ELF1: variants seen among roughly 807,000 people sequenced by gnomAD.
The protein encoded by ELF1 is ETS-related transcription factor Elf-1.
Under a neutral mutation model 59.9 loss-of-function variants are expected in ELF1, and 24 were observed. That is an observed-to-expected ratio of 0.40 (90% CI 0.29 to 0.56). The LOEUF is 0.56. ELF1 is among the 20% of genes least tolerant of loss of function. The probability of loss-of-function intolerance (pLI) is 0.44; values close to 1 mark genes in which losing one functional copy is unlikely to be tolerated. For missense variants in ELF1, 627 were observed against 742.2 expected, an observed-to-expected ratio of 0.84 and a Z score of 1.80; for synonymous variants, 248 against 266.2, an observed-to-expected ratio of 0.93 and a Z score of 0.67.
intron 4 of ELF1, 114 bp from the exon 5 acceptor site, chr13:40,950,087 T>A: frequency 9.9e-7 from 1 of 1,007,936 alleles, no homozygotes; most frequent in South Asian, 2.0e-5. Flanking sequence ...AAATAAAATC[T>A]TGAAATCTAT....
intron 4 of ELF1, among the ~76,000 whole-genome samples, chr13:40,950,320 C>T (rs528355552): frequency 1.3e-5 from 2 of 152,088 alleles, no homozygotes; most frequent in Non-Finnish European, 2.9e-5. Flanking sequence ...TTCCATAGTT[C>T]ATAGGAAAAA....
chr13:40,939,450 C>T (rs1375228746), intron 8 of ELF1, among the ~76,000 whole-genome samples: 1 of 152,090 alleles, frequency 6.6e-6, no homozygotes, highest in Non-Finnish European at 1.5e-5. Flanking sequence ...TAAAAAAATT[C>T]CATGGAATCA....
At chr13:41,006,803 G>C (rs79739393) in intron 1 of ELF1, among the ~76,000 whole-genome samples, 62 of 152,030 alleles carry the variant, frequency 4.1e-4, no homozygotes, top group African/African-American at 1.5e-3. Context: ...ACATTAATTC[G>C]AATTAATTAT....
chr13:41,020,149 C>T (rs114770180), upstream of ELF1, among the ~76,000 whole-genome samples: 224 of 152,348 alleles, frequency 1.5e-3, 3 homozygotes, highest in African/African-American at 5.0e-3. Context: ...TGTGGCAAGG[C>T]CAACCTAAGG....
chr13:41,013,566 A>T (rs1043102437), intron 1 of ELF1, among the ~76,000 whole-genome samples: 2 of 152,190 alleles, frequency 1.3e-5, no homozygotes, highest in Non-Finnish European at 2.9e-5. Flanking sequence ...TAAAGGAAAC[A>T]AACATGAATA....
At chr13:40,980,757 A>G (rs927136243) in intron 2 of ELF1, among the ~76,000 whole-genome samples, 5 of 152,170 alleles carry the variant, frequency 3.3e-5, no homozygotes, top group South Asian at 4.1e-4. Flanking sequence ...ACCTTAATAT[A>G]CACACAAACA....
chr13:40,980,502 T>C (rs1265054333), intron 2 of ELF1, among the ~76,000 whole-genome samples: 1 of 152,200 alleles, frequency 6.6e-6, no homozygotes, highest in Non-Finnish European at 1.5e-5. Context: ...TGTATAAGTG[T>C]TGTTTTGCAA....
At position 41,050,732 on chromosome 13, in the gene ELF1, G is replaced by T. The variant is rs187520219; in HGVS notation, c.-229+10106C>A. On this transcript the variant is annotated intron_variant, in intron 1 of 1. Transcript: ENST00000405737. ...CGCCCAGCTAATTTTTGTATTTTTA[G>T]TAGAGACAGGATTTCACCATATTTG... Among the ~76,000 whole-genome samples, 91 of 152,182 alleles carry T rather than the reference G, an allele frequency of 6.0e-4. 2 individuals carry two copies. The East Asian group carries it at 0.017, about 28-fold the overall frequency.
At chr13:41,037,460 T>A (rs1714017686) in intron 1 of ELF1, among the ~76,000 whole-genome samples, 1 of 152,338 alleles carries the variant, frequency 6.6e-6, no homozygotes, top group South Asian at 2.1e-4. Context: ...GCCCTTTCTA[T>A]AACATCCCAA....
In ELF1 at chr13:40,981,862, T is replaced by C. The variant is rs117737262; in HGVS notation, c.72+121A>G. On this transcript the variant is annotated intron_variant, in intron 2 of 8. Coordinates refer to ENST00000239882, the MANE Select transcript of ELF1 (RefSeq NM_172373.4). ...TATAATATTTCCTCCAAATATTTCA[T>C]CTATAAATTTTTACTTTCAATAAAG... 2.5e-3 allele frequency: 2,768 copies of C among 1,100,996 alleles called. 65 individuals are homozygous for C. The East Asian group carries it at 0.042, about 17-fold the overall frequency. The allele number at this position is 1,100,996 out of a possible 1,614,324, so 68.2% of individuals were successfully genotyped here. A position where few individuals can be genotyped will look rare whatever the true frequency, so the allele number is the denominator to read the frequency against.
intron 1 of ELF1, among the ~76,000 whole-genome samples, chr13:41,016,263 C>T (rs1032502778): frequency 6.6e-6 from 1 of 152,026 alleles, no homozygotes; most frequent in African/African-American, 2.4e-5. Flanking sequence ...GATTTCGCAC[C>T]GAATTGAGTT....
intron 1 of ELF1, among the ~76,000 whole-genome samples, chr13:41,060,591 A>G (rs553599540): frequency 6.6e-6 from 1 of 152,314 alleles, no homozygotes; most frequent in South Asian, 2.1e-4. Flanking sequence ...CAAAAGCCGC[A>G]GCCCAGCTCC....
chr13:41,037,543 T>C (rs1876433120), intron 1 of ELF1, among the ~76,000 whole-genome samples: 1 of 152,174 alleles, frequency 6.6e-6, no homozygotes, highest in Non-Finnish European at 1.5e-5. Flanking sequence ...ATGCCTGTAA[T>C]CCCAGCACTT....
intron 1 of ELF1, among the ~76,000 whole-genome samples, chr13:41,048,120 T>C (rs1387071269): frequency 6.6e-6 from 1 of 152,190 alleles, no homozygotes; most frequent in East Asian, 1.9e-4. Flanking sequence ...GCTAAGACCG[T>C]TGGAAAAGCA....
chr13:41,004,483 T>C (rs940915782), intron 1 of ELF1, among the ~76,000 whole-genome samples: 7 of 152,072 alleles, frequency 4.6e-5, no homozygotes, highest in African/African-American at 1.7e-4. Context: ...GGATCTACCA[T>C]CAGAACACCT....
At chr13:41,054,361 A>G (rs1284566527) in intron 1 of ELF1, among the ~76,000 whole-genome samples, 1 of 152,228 alleles carries the variant, frequency 6.6e-6, no homozygotes, top group African/African-American at 2.4e-5. Context: ...ATCGCAAATG[A>G]ATGAAACTTT....
intron 1 of ELF1, among the ~76,000 whole-genome samples, chr13:40,989,607 A>G (rs150916188): frequency 5.3e-4 from 67 of 125,940 alleles, no homozygotes; most frequent in African/African-American, 1.7e-3. Context: ...AAGTCAGTGT[A>G]ATGCACATGC....
intron 1 of ELF1, among the ~76,000 whole-genome samples, chr13:41,044,580 T>C (rs9670387): frequency 6.6e-5 from 10 of 152,212 alleles, no homozygotes; most frequent in African/African-American, 2.4e-4. Flanking sequence ...GCTCTGTTTA[T>C]ATGATGGATT....
chr13:41,044,911 C>T (rs377006429), intron 1 of ELF1, among the ~76,000 whole-genome samples: 2 of 152,074 alleles, frequency 1.3e-5, no homozygotes, highest in Admixed American at 1.3e-4. Context: ...TCGGCTGTGA[C>T]TCCATCTGGT....
Sources: allele counts gnomAD v4.1 joint callset (sites outside exome capture counted in the v4.1 genomes callset), GRCh38; gene constraint gnomAD v4.1.1; transcripts MANE v1.5; gene names NCBI Gene and HGNC (gene_info 2026-07-23, HGNC 2026-07-21).